SPATA6: variants seen among roughly 807,000 people sequenced by gnomAD.
The protein encoded by SPATA6 is spermatogenesis associated 6, also known as spermatogenesis-associated protein 6.
SPATA6 carries 56 observed loss-of-function variants against 65.3 expected under a neutral mutation model. The ratio of observed to expected loss-of-function variants is 0.86; its 90% CI spans 0.69 to 1.07. SPATA6 has a LOEUF of 1.07. Among genes scored for constraint, SPATA6 ranks in the 50% least tolerant of loss-of-function variants. The pLI is 0.00. For synonymous variants in SPATA6, 199 were observed against 213.2 expected, an observed-to-expected ratio of 0.93 and a Z score of 0.58; for missense variants, 590 against 594.8, an observed-to-expected ratio of 0.99 and a Z score of 0.08.
At chr1:48,347,392 T>C (rs1171579336) in intron 11 of SPATA6, among the ~76,000 whole-genome samples, 1 of 149,808 alleles carries the variant, frequency 6.7e-6, no homozygotes, top group Non-Finnish European at 1.5e-5. Flanking sequence ...ATTCACTACA[T>C]AGGTACGGGC....
the SPATA6 span, among the ~76,000 whole-genome samples, chr1:48,281,870 C>T: frequency 6.6e-6 from 1 of 152,130 alleles, no homozygotes; most frequent in Non-Finnish European, 1.5e-5. Flanking sequence ...GAGCCTGCAT[C>T]ACCAAGTCAA....
chr1:48,274,380 A>G, the SPATA6 span, among the ~76,000 whole-genome samples: 2 of 152,032 alleles, frequency 1.3e-5, no homozygotes, highest in East Asian at 3.9e-4. Flanking sequence ...TTTTGTTGCC[A>G]TTGCTTTTGG....
intron 3 of SPATA6, among the ~76,000 whole-genome samples, chr1:48,424,735 G>A (rs1381834722): frequency 6.6e-6 from 1 of 152,192 alleles, no homozygotes; most frequent in East Asian, 1.9e-4. Flanking sequence ...TTTCTCTGAT[G>A]ATCAATGATG....
chr1:48,333,951 T>C (rs1043994886), intron 11 of SPATA6, among the ~76,000 whole-genome samples: 2 of 152,150 alleles, frequency 1.3e-5, no homozygotes, highest in African/African-American at 4.8e-5. Flanking sequence ...AAGGGAATAT[T>C]ACTACTATTC....
At chr1:48,417,679 G>C (rs1056120986) in intron 3 of SPATA6, among the ~76,000 whole-genome samples, 3 of 151,874 alleles carry the variant, frequency 2.0e-5, no homozygotes, top group Non-Finnish European at 4.4e-5. Flanking sequence ...AGCCAGGCAT[G>C]GTGGCACATG....
intron 3 of SPATA6, among the ~76,000 whole-genome samples, chr1:48,446,954 G>A (rs956198489): frequency 1.3e-5 from 2 of 151,968 alleles, no homozygotes; most frequent in Non-Finnish European, 2.9e-5. Context: ...CCACTGAGAC[G>A]CGAGACCAAC....
At chr1:48,371,071 T>C (rs1031764694) in intron 9 of SPATA6, among the ~76,000 whole-genome samples, 4 of 152,176 alleles carry the variant, frequency 2.6e-5, no homozygotes, top group African/African-American at 9.7e-5. Context: ...GGAAAAATTA[T>C]AACTAAAATA....
chr1:48,356,298 T>G (rs79714577), intron 10 of SPATA6, among the ~76,000 whole-genome samples: 8,499 of 152,036 alleles, frequency 0.056, 349 homozygotes, highest in African/African-American at 0.1. Context: ...ATTAAAGATA[T>G]GAAAGAAGAA....
the SPATA6 span, among the ~76,000 whole-genome samples, chr1:48,275,248 AT>A: frequency 6.6e-6 from 1 of 152,176 alleles, no homozygotes; most frequent in Non-Finnish European, 1.5e-5. Flanking sequence ...GGCTGAGATG[AT>A]GGGGTTTTCT....
the SPATA6 span, among the ~76,000 whole-genome samples, chr1:48,276,435 A>G: frequency 6.6e-6 from 1 of 152,230 alleles, no homozygotes; most frequent in African/African-American, 2.4e-5. Context: ...CAGGGTGTCA[A>G]CTTTAGATCT....
At chr1:48,275,508 C>T in the SPATA6 span, among the ~76,000 whole-genome samples, 5 of 152,098 alleles carry the variant, frequency 3.3e-5, no homozygotes, top group Middle Eastern at 3.4e-3. Context: ...TTTTGAGATA[C>T]GTCCCATCAA....
chr1:48,300,424 G>A (rs1302332224), intron 12 of SPATA6, among the ~76,000 whole-genome samples: 1 of 151,968 alleles, frequency 6.6e-6, no homozygotes, highest in East Asian at 1.9e-4. Flanking sequence ...TATTGAAACA[G>A]TAATAAAAAG....
intron 3 of SPATA6, among the ~76,000 whole-genome samples, chr1:48,434,479 TAC>T (rs1654702745): frequency 1.3e-5 from 2 of 152,278 alleles, no homozygotes; most frequent in African/African-American, 4.8e-5. Flanking sequence ...GTGTACAAGA[TAC>T]AGATCTAAAG....
chr1:48,411,179 T>A lies in SPATA6; in HGVS notation c.405+285A>T, dbSNP rs575766116. On this transcript the variant is annotated intron_variant, in intron 5 of 12. Transcript: ENST00000371847. The stretch of plus-strand genomic sequence containing the variant: ...AGAATGTCAATTACAATTTAAAAAA[T>A]TTTTAATGGCACTTTTTATTAAATT... Among the ~76,000 whole-genome samples the A allele has an allele frequency of 6.1e-4, 93 of 152,286 alleles. 1 individual carries two copies. The highest frequency in any genetic ancestry group is 2.0e-3 in the African/African-American group (83 of 41,560).
intron 1 of SPATA6, among the ~76,000 whole-genome samples, chr1:48,458,134 G>T (rs1657149375): frequency 1.4e-5 from 2 of 146,248 alleles, no homozygotes; most frequent in South Asian, 4.4e-4. Context: ...TTAAAAAAAA[G>T]AAAATGTAAG....
In SPATA6 at chr1:48,298,667, A is replaced by T; in HGVS notation, c.*46T>A. On this transcript the variant is annotated 3_prime_UTR_variant, in exon 13 of 13. Transcript: ENST00000371847. ...GATATTGATCACATCAAACATTTTCATTGAGAAATTGACACGGACACTAAT... is the reference window on the plus strand; with the variant it reads ...GATATTGATCACATCAAACATTTTCTTTGAGAAATTGACACGGACACTAAT... 1 of 1,533,404 alleles carries T rather than the reference A, an allele frequency of 6.5e-7. No homozygotes were observed. Among genetic ancestry groups the T allele is most frequent in the East Asian group, 2.3e-5 (1 of 44,052 alleles). The allele number at this position is 1,533,404 out of a possible 1,614,324, so 95.0% of individuals were successfully genotyped here.
chr1:48,273,931 A>G, the SPATA6 span, among the ~76,000 whole-genome samples: 9 of 152,160 alleles, frequency 5.9e-5, no homozygotes, highest in Non-Finnish European at 1.0e-4. Flanking sequence ...GTCTTCCACA[A>G]TGGTTGAACT....
intron 1 of SPATA6, among the ~76,000 whole-genome samples, chr1:48,453,826 AAAAG>A (rs1327400814): frequency 6.6e-6 from 1 of 152,060 alleles, no homozygotes; most frequent in African/African-American, 2.4e-5. Flanking sequence ...GAAAAAGTAG[AAAAG>A]AAAGAAGGAA....
chr1:48,435,680 A>G (rs1341591693), intron 3 of SPATA6, among the ~76,000 whole-genome samples: 1 of 152,202 alleles, frequency 6.6e-6, no homozygotes. Context: ...TGCACCAATC[A>G]GCACTCTGTA....
Sources: gnomAD v4.1 joint callset for allele counts (sites outside exome capture counted in the v4.1 genomes callset) on GRCh38, gnomAD v4.1.1 for gene constraint, MANE v1.5 for transcripts, NCBI Gene and HGNC (gene_info 2026-07-23, HGNC 2026-07-21) for gene names.